Variants in PRDM10 observed in about 807,000 individuals in gnomAD.
PRDM10 encodes the protein PR domain zinc finger protein 10.
In PRDM10, 65 loss-of-function variants were observed where a neutral mutation model predicts 133.1. The observed-to-expected ratio is 0.49, with a 90% confidence interval of 0.40 to 0.60. PRDM10 has a LOEUF of 0.60. Among genes scored for constraint, PRDM10 ranks in the 20% least tolerant of loss-of-function variants. PRDM10 has a pLI of 0.00. For synonymous variants in PRDM10, 582 were observed against 580.4 expected (o/e 1.00, Z -0.04); for missense variants, 1,137 against 1,507.1 (o/e 0.75, Z 4.07).
chr11:129,908,445 C>T (rs1005434397), intron 19 of PRDM10, among the ~76,000 whole-genome samples: 2 of 152,198 alleles, frequency 1.3e-5, no homozygotes, highest in Non-Finnish European at 2.9e-5. Context: ...ATTCTCCACC[C>T]TGGACGACAG....
chr11:129,916,051 A>G (rs1003309306), intron 15 of PRDM10, among the ~76,000 whole-genome samples, 191 bp from the exon 16 acceptor site: 5 of 152,256 alleles, frequency 3.3e-5, no homozygotes, highest in African/African-American at 1.2e-4. Context: ...AAATAAGAAC[A>G]TAATGTAGAT....
rs1232106792 is a variant in PRDM10, at chr11:129,998,820, T to C, written c.-119+3902A>G. Among the ~76,000 whole-genome samples the C allele has an allele frequency of 2.8e-5, 3 of 106,934 alleles. No individual in the cohort carries two copies. The East Asian group carries it at 7.1e-4, about 25-fold the overall frequency. The allele number at this position is 106,934 out of a possible 152,430, so 70.2% of individuals were successfully genotyped here. On this transcript the variant is annotated intron_variant, in intron 1 of 20. Transcript: ENST00000360871. ...TGAAATGGTGAAATGGTGTAATAACTTTTTTTTTTTTTTTTTTTGGAGACA... is the reference window on the plus strand; with the variant it reads ...TGAAATGGTGAAATGGTGTAATAACCTTTTTTTTTTTTTTTTTTGGAGACA...
intron 20 of PRDM10, among the ~76,000 whole-genome samples, chr11:129,904,436 A>G (rs774938762): frequency 3.3e-5 from 5 of 152,230 alleles, no homozygotes; most frequent in African/African-American, 1.2e-4. Flanking sequence ...TACACAATAC[A>G]TTATGAACAC....
At chr11:129,927,106 G>T (rs1467357843) in intron 11 of PRDM10, among the ~76,000 whole-genome samples, 1 of 134,854 alleles carries the variant, frequency 7.4e-6, no homozygotes, top group Non-Finnish European at 1.6e-5. Flanking sequence ...TGTAATCCCA[G>T]CTACTTGGGA....
At chr11:129,981,391 A>C (rs576151069) in intron 1 of PRDM10, among the ~76,000 whole-genome samples, 1 of 152,186 alleles carries the variant, frequency 6.6e-6, no homozygotes, top group Non-Finnish European at 1.5e-5. Flanking sequence ...CCACTGATCT[A>C]TCATATATAA....
In PRDM10 at chr11:129,918,675, G is replaced by T; in HGVS notation, c.2078C>A (p.Pro693His). The change falls in exon 14 of 21, where the codon CCT becomes CAT. Residue 693 changes from proline (P) to histidine (H), a missense_variant. Coordinates refer to ENST00000360871, the MANE Select transcript of PRDM10 (RefSeq NM_199437.2). The surrounding 1 kb of genome is among the most constrained non-coding windows in gnomAD (Gnocchi z 5.3). ...GTCGGCTTTCTTGGCCTCCCTCTCA[G>T]GATTATGCATCCTCTGCATGTGTTC... ...LREHMQRMHN[P>H]EREAKKADRI... is the part of the protein sequence containing the mutation. 6.2e-7 allele frequency: 1 copy of T among 1,614,054 alleles called. No individual in the cohort carries two copies. Among genetic ancestry groups the T allele is most frequent in the Non-Finnish European group, 8.5e-7 (1 of 1,179,978 alleles).
rs769560497 is a variant in PRDM10 at position 129,947,443 on chromosome 11, C to A, written c.295-73G>T. 2 of 1,599,042 alleles carry A rather than the reference C, an allele frequency of 1.3e-6. No individual in the cohort carries two copies. The highest frequency in any genetic ancestry group is 2.2e-5 in the South Asian group (2 of 89,992). On this transcript the variant is annotated intron_variant, in intron 4 of 20. Coordinates refer to ENST00000360871, the MANE Select transcript of PRDM10 (RefSeq NM_199437.2). The surrounding 1 kb of genome is among the most constrained non-coding windows in gnomAD (Gnocchi z 4.6). ...TTTGGTTCGCTGGTGCCTGCTGGCA[C>A]AAACAGGGCGCAAGGGCTGGCTGAA...
chr11:129,955,650 A>G, intron 3 of PRDM10, 79 bp from the exon 4 acceptor site: 1 of 1,353,920 alleles, frequency 7.4e-7, no homozygotes, highest in Non-Finnish European at 1.0e-6. Flanking sequence ...CCTACTGCTA[A>G]GCACCAATTT....
At chr11:129,905,900 G>A (rs1950001821) in intron 19 of PRDM10, among the ~76,000 whole-genome samples, 159 bp from the exon 20 acceptor site, 1 of 152,162 alleles carries the variant, frequency 6.6e-6, no homozygotes, top group Admixed American at 6.5e-5. Flanking sequence ...TCTCTGCTAC[G>A]AATTGAGAAG....
At chr11:129,910,734 T>C in intron 18 of PRDM10, 78 bp from the exon 19 acceptor site, 2 of 1,177,264 alleles carry the variant, frequency 1.7e-6, no homozygotes, top group Non-Finnish European at 1.2e-6. Flanking sequence ...CTGAAGGAAG[T>C]ACACCAGACT....
At chr11:129,985,404 A>G (rs1938356737) in intron 1 of PRDM10, among the ~76,000 whole-genome samples, 1 of 152,118 alleles carries the variant, frequency 6.6e-6, no homozygotes, top group African/African-American at 2.4e-5. Context: ...GATCTCGTAC[A>G]ATACAACTGT....
chr11:129,919,830 G>C (rs1019380233), intron 13 of PRDM10, among the ~76,000 whole-genome samples: 1 of 152,092 alleles, frequency 6.6e-6, no homozygotes, highest in African/African-American at 2.4e-5. Context: ...CAGTATCAGG[G>C]AGCAGGATAA....
intron 1 of PRDM10, among the ~76,000 whole-genome samples, chr11:129,972,983 T>A (rs1937603981): frequency 6.6e-6 from 1 of 152,234 alleles, no homozygotes; most frequent in Non-Finnish European, 1.5e-5. Context: ...CCCTCCTTGT[T>A]ACAAAAATGT....
rs57268294 is a variant in PRDM10 at position 129,905,363 on chromosome 11, G to GAAAAAA, written c.3267+269_3267+274dup. On this transcript the variant is annotated intron_variant, in intron 20 of 20. Coordinates refer to ENST00000360871, the MANE Select transcript of PRDM10 (RefSeq NM_199437.2). The stretch of plus-strand genomic sequence containing the variant: ...GGCGACACAGCAAGACTCTGTCTCA[G>GAAAAAA]AAAAAAAAAAAAAAAAAAAAGGCTC... Among the ~76,000 whole-genome samples the GAAAAAA allele has an allele frequency of 5.8e-5, 4 of 69,434 alleles. 1 individual carries two copies. Among genetic ancestry groups the GAAAAAA allele is most frequent in the Non-Finnish European group, 5.5e-5 (2 of 36,234 alleles). The allele number at this position is 69,434 out of a possible 152,430, so 45.6% of individuals were successfully genotyped here.
intron 18 of PRDM10, 119 bp from the exon 19 acceptor site, chr11:129,910,775 G>A (rs1175320831): frequency 2.0e-6 from 2 of 1,001,374 alleles, no homozygotes; most frequent in East Asian, 3.0e-5. Context: ...AACTATCGTT[G>A]CTATTTTTTT....
At chr11:129,986,640 AG>A (rs1381901262) in intron 1 of PRDM10, among the ~76,000 whole-genome samples, 8 of 152,122 alleles carry the variant, frequency 5.3e-5, no homozygotes, top group African/African-American at 1.7e-4. Flanking sequence ...CCACCTGCCT[AG>A]GTCTCCCAAA....
rs763250042 is a variant in PRDM10, at chr11:129,923,289, G to A, written c.1993C>T (p.Arg665Cys). The change falls in exon 13 of 21, where the codon CGC becomes TGC. Residue 665 changes from arginine (R) to cysteine (C), a missense_variant. Physicochemically the swap from Arg to Cys is radical, Grantham distance 180. This residue lies in a region of PRDM10 where 78 missense variants were observed against 96.4 expected (regional missense o/e 0.81). Coordinates refer to ENST00000360871, the MANE Select transcript of PRDM10 (RefSeq NM_199437.2). The surrounding 1 kb of genome is among the most constrained non-coding windows in gnomAD (Gnocchi z 4.4). ...LRLHMLRHSD[R>C]KDFLCSTCGK... ...CAGGTGGAACACAGGAAGTCTTTGC[G>A]GTCCGAATGCCGGAGCATGTGGAGT... The A allele has an allele frequency of 1.9e-6, 3 of 1,598,646 alleles. No individual in the cohort carries two copies. Among genetic ancestry groups the A allele is most frequent in the Admixed American group, 1.7e-5 (1 of 57,574 alleles).
At chr11:129,938,244 T>C (rs1249235298) in intron 7 of PRDM10, among the ~76,000 whole-genome samples, 1 of 152,078 alleles carries the variant, frequency 6.6e-6, no homozygotes, top group East Asian at 1.9e-4. Flanking sequence ...TGCTAATGAA[T>C]CCCAAATTAA....
In PRDM10 at chr11:129,901,795, C is replaced by A. The variant is rs1949850579; in HGVS notation, c.*518G>T. On this transcript the variant is annotated 3_prime_UTR_variant, in exon 21 of 21. Transcript: ENST00000360871. The stretch of plus-strand genomic sequence containing the variant: ...GAATATCACTGTCAAACTTTTGTTT[C>A]ATCATTTTAATTTTGTTATTCAGCA... The A allele has an allele frequency of 6.6e-6, 1 of 152,490 alleles. No homozygotes were observed. The allele number at this position is 152,490 out of a possible 1,614,324, so 9.4% of individuals were successfully genotyped here. A position where few individuals can be genotyped will look rare whatever the true frequency, so the allele number is the denominator to read the frequency against.
Sources: gnomAD v4.1 joint callset for allele counts (sites outside exome capture counted in the v4.1 genomes callset) on GRCh38, gnomAD v4.1.1 for gene constraint, gnomAD v4.1.1 regional missense constraint, Gnocchi (gnomAD v3.1) non-coding constraint, MANE v1.5 for transcripts, NCBI Gene and HGNC (gene_info 2026-07-23, HGNC 2026-07-21) for gene names.